GSAP: variants seen among roughly 807,000 people sequenced by gnomAD.
GSAP encodes the protein gamma-secretase activating protein, also known as gamma-secretase-activating protein.
Under a neutral mutation model 131.7 loss-of-function variants are expected in GSAP, and 118 were observed. The ratio of observed to expected loss-of-function variants is 0.90; its 90% confidence interval spans 0.77 to 1.04. The LOEUF (loss-of-function observed/expected upper bound fraction) is 1.04, where lower values mean the gene tolerates loss of function less well. Among genes scored for constraint, GSAP ranks in the 50% least tolerant of loss-of-function variants. GSAP has a pLI of 0.00. For missense variants in GSAP, 1,019 were observed against 1,013.2 expected (o/e 1.01, Z -0.08); for synonymous variants, 381 against 363.4 (o/e 1.05, Z -0.55).
chr7:77,367,032 T>TG (rs1328032862), intron 12 of GSAP, among the ~76,000 whole-genome samples: 1 of 152,338 alleles, frequency 6.6e-6, no homozygotes, highest in East Asian at 1.9e-4. Flanking sequence ...ACTTTGCTCT[T>TG]GTTGGTGTAA....
intron 8 of GSAP, among the ~76,000 whole-genome samples, chr7:77,377,904 G>A (rs1013349839): frequency 6.6e-6 from 1 of 152,172 alleles, no homozygotes; most frequent in Non-Finnish European, 1.5e-5. Context: ...CTTCCATGAT[G>A]AGTATGATGA....
chr7:77,339,121 G>C (rs1055125216), intron 19 of GSAP, among the ~76,000 whole-genome samples: 1 of 152,172 alleles, frequency 6.6e-6, no homozygotes, highest in Non-Finnish European at 1.5e-5. Context: ...AGTATGGCAA[G>C]AACAGTCACA....
chr7:77,416,331 A>C lies in GSAP; in HGVS notation c.-10T>G. ...CCAGGCGAAGAGCCATCGCCCGGACACGACCACCGGGCGGCTCTGGGGCCC... is the reference window on the plus strand; with the variant it reads ...CCAGGCGAAGAGCCATCGCCCGGACCCGACCACCGGGCGGCTCTGGGGCCC... On this transcript the variant is annotated 5_prime_UTR_variant, in exon 1 of 31. Transcript: ENST00000257626. 1 of 1,467,176 alleles carries C rather than the reference A, an allele frequency of 6.8e-7. No individual in the cohort carries two copies. The highest frequency in any genetic ancestry group is 9.1e-7 in the Non-Finnish European group (1 of 1,103,086). The allele number at this position is 1,467,176 out of a possible 1,614,324, so 90.9% of individuals were successfully genotyped here.
chr7:77,399,458 C>T (rs1800963433), intron 3 of GSAP, among the ~76,000 whole-genome samples: 1 of 152,138 alleles, frequency 6.6e-6, no homozygotes, highest in South Asian at 2.1e-4. Flanking sequence ...GAGTCCATGT[C>T]CCAAATTACC....
intron 11 of GSAP, among the ~76,000 whole-genome samples, chr7:77,374,569 C>A (rs1209640626): frequency 6.6e-6 from 1 of 151,086 alleles, no homozygotes; most frequent in Non-Finnish European, 1.5e-5. Context: ...TTTTCAGAAG[C>A]ATCTCATGTT....
intron 12 of GSAP, among the ~76,000 whole-genome samples, chr7:77,369,313 T>C (rs968077278): frequency 6.6e-6 from 1 of 152,150 alleles, no homozygotes; most frequent in Non-Finnish European, 1.5e-5. Context: ...TCCTTTTTAT[T>C]AGAAAAATAT....
chr7:77,360,837 A>G lies in GSAP; in HGVS notation c.1014T>C (p.Thr338=). 1 of 1,584,656 alleles carries G rather than the reference A, an allele frequency of 6.3e-7. No homozygotes were observed. The highest frequency in any genetic ancestry group is 1.3e-5 in the African/African-American group (1 of 74,122). Residue 338 remains threonine, a synonymous_variant, in exon 14 of 31, where the codon ACT becomes ACC. Transcript: ENST00000257626. ...NVGSHMTKGI[T]FLNLDYYVAV... ...TCCATCACTCACCAAGGTTGAGAAA[A>G]GTAATGCCCTTTGTCATGTGTGACC...
At chr7:77,404,457 GAA>G (rs1266237478) in intron 3 of GSAP, 100 bp downstream of exon 3, 13 of 707,996 alleles carry the variant, frequency 1.8e-5, no homozygotes, top group Non-Finnish European at 3.2e-5. Flanking sequence ...AATGTTTACA[GAA>G]AAAGAGAAAA....
chr7:77,387,430 A>T lies in GSAP; in HGVS notation c.386T>A (p.Leu129Ter), dbSNP rs189294375. The change falls in exon 6 of 31, where the codon TTG becomes TAG. Residue 129 changes from leucine (L) to a stop codon, truncating the protein, a stop_gained. Transcript: ENST00000257626. LOFTEE classifies it high-confidence loss of function. ...ELQPGSKCLTLLVEIHPVNNV... is the reference protein window; with the variant it reads ...ELQPGSKCLT ...GTTAACAGGGTGGATTTCAACCAAC[A>T]AAGTCAAGCACTTTGATCCTACAGA... The T allele has an allele frequency of 1.3e-6, 2 of 1,590,170 alleles. No homozygotes were observed. Among genetic ancestry groups the T allele is most frequent in the Non-Finnish European group, 1.7e-6 (2 of 1,158,124 alleles).
chr7:77,351,718 C>T (rs747911574), intron 18 of GSAP: 1 of 985,822 alleles, frequency 1.0e-6, no homozygotes. Flanking sequence ...GAAGCGTTAC[C>T]CTCAGGGTGA....
intron 26 of GSAP, among the ~76,000 whole-genome samples, chr7:77,319,932 ATGAG>A (rs1305316657): frequency 6.6e-6 from 1 of 152,234 alleles, no homozygotes; most frequent in Admixed American, 6.5e-5. Context: ...GCTATGAAAG[ATGAG>A]TAAGTTCTAA....
chr7:77,356,547 A>G, intron 14 of GSAP, among the ~76,000 whole-genome samples: 1 of 152,160 alleles, frequency 6.6e-6, no homozygotes, highest in East Asian at 1.9e-4. Flanking sequence ...ACACATTGAC[A>G]CTTTGTGAAG....
Position 77,414,814 on chromosome 7 carries a change from C to A in GSAP, c.109+1399G>T, listed in dbSNP as rs541418674. On this transcript the variant is annotated intron_variant, in intron 1 of 30. Transcript: ENST00000257626. ...GCCTGTTGTATTTCAAAAAGTTAAG[C>A]CTTCAAAAACTTTTCAGACATGTGG... 2.9e-5 allele frequency among the ~76,000 whole-genome samples: 4 copies of A among 136,736 alleles called. No homozygotes were observed. The South Asian group carries it at 9.5e-4, about 32-fold the overall frequency. The allele number at this position is 136,736 out of a possible 152,430, so 89.7% of individuals were successfully genotyped here. A position where few individuals can be genotyped will look rare whatever the true frequency, so the allele number is the denominator to read the frequency against.
intron 1 of GSAP, among the ~76,000 whole-genome samples, chr7:77,407,005 G>GT (rs377396507): frequency 1.4e-3 from 212 of 152,320 alleles, no homozygotes; most frequent in African/African-American, 4.9e-3. Flanking sequence ...GCAGCTATCT[G>GT]TAAGAGTATG....
intron 5 of GSAP, among the ~76,000 whole-genome samples, chr7:77,393,765 C>A (rs933487032): frequency 4.0e-5 from 6 of 150,556 alleles, no homozygotes; most frequent in African/African-American, 1.5e-4. Context: ...CCTTTATTTC[C>A]TGGGATCAAG....
chr7:77,391,830 G>C (rs374239546), intron 5 of GSAP, among the ~76,000 whole-genome samples: 20 of 152,174 alleles, frequency 1.3e-4, no homozygotes, highest in African/African-American at 4.3e-4. Flanking sequence ...GCAAGACCCT[G>C]TCTCAAAAAT....
chr7:77,376,011 A>G (rs903898896), intron 10 of GSAP, among the ~76,000 whole-genome samples: 1 of 152,172 alleles, frequency 6.6e-6, no homozygotes, highest in Non-Finnish European at 1.5e-5. Context: ...GATAGAACAC[A>G]ATGCTAACAT....
At chr7:77,320,699 C>T in intron 26 of GSAP, 26 bp downstream of exon 26, 1 of 1,310,434 alleles carries the variant, frequency 7.6e-7, no homozygotes, top group South Asian at 1.2e-5. Context: ...TTTATTATAC[C>T]AAAGGACAAA....
intron 12 of GSAP, among the ~76,000 whole-genome samples, chr7:77,371,472 T>G (rs537943043): frequency 5.2e-4 from 78 of 151,294 alleles, no homozygotes; most frequent in Non-Finnish European, 9.3e-4. Context: ...TCTTGCTCTG[T>G]TGTCCATGCT....
Sources: gnomAD v4.1 joint callset for allele counts (sites outside exome capture counted in the v4.1 genomes callset) on GRCh38, gnomAD v4.1.1 for gene constraint, MANE v1.5 for transcripts, NCBI Gene and HGNC (gene_info 2026-07-23, HGNC 2026-07-21) for gene names.